Variants in ACIN1 observed in about 807,000 individuals in gnomAD.
The protein encoded by ACIN1 is apoptotic chromatin condensation inducer 1.
Under a neutral mutation model 146.6 loss-of-function variants are expected in ACIN1, and 16 were observed. That is an observed-to-expected ratio of 0.11 (90% CI 0.07 to 0.17). The LOEUF is 0.17. Among genes scored for constraint, ACIN1 ranks in the 10% least tolerant of loss-of-function variants. The probability of loss-of-function intolerance (pLI) is 1.00; values close to 1 mark genes in which losing one functional copy is unlikely to be tolerated. For synonymous variants in ACIN1, 569 were observed against 582.7 expected (o/e 0.98, Z 0.34); for missense variants, 1,357 against 1,609.3 (o/e 0.84, Z 2.68).
At position 23,062,541 on chromosome 14, in the gene ACIN1, C is replaced by T; in HGVS notation, c.2884-18G>A. ...GGACGGACCTGCCAATGAAAATAGA[C>T]TTTCAGGGTCTAGCAGAAGGCAAGA... On this transcript the variant is annotated intron_variant, in intron 14 of 18. Transcript: ENST00000605057. 1 of 1,609,026 alleles carries T rather than the reference C, an allele frequency of 6.2e-7. No individual in the cohort carries two copies. The highest frequency in any genetic ancestry group is 8.5e-7 in the Non-Finnish European group (1 of 1,175,400).
intron 8 of ACIN1, among the ~76,000 whole-genome samples, chr14:23,072,448 T>C (rs2047687043): frequency 6.6e-6 from 1 of 152,100 alleles, no homozygotes; most frequent in Admixed American, 6.6e-5. Context: ...TGCTGCTATA[T>C]GGGGCGGGGA....
Position 23,064,168 on chromosome 14 carries a change from T to G in ACIN1, c.2532A>C (p.Thr844=). ...GGGTCCCATCATCGCCATTACGCTCTGTCTCATCCTCAGAGATGCGAGAGT... is the reference window on the plus strand; with the variant it reads ...GGGTCCCATCATCGCCATTACGCTCGGTCTCATCCTCAGAGATGCGAGAGT... ...ADDSRISEDE[T]ERNGDDGTHD... The change falls in exon 12 of 19, where the codon ACA becomes ACC. Residue 844 remains threonine, a synonymous_variant. Transcript: ENST00000605057. 1 of 1,614,200 alleles carries G rather than the reference T, an allele frequency of 6.2e-7. No individual in the cohort carries two copies.
rs768412898 is a variant in ACIN1 at position 23,090,063 on chromosome 14, C to T, written c.355G>A (p.Glu119Lys). 1.2e-6 allele frequency: 2 copies of T among 1,613,788 alleles called. No homozygotes were observed. The highest frequency in any genetic ancestry group is 2.7e-5 in the African/African-American group (2 of 74,928). Reference protein sequence around the residue: ...AESEDEMIHPEGVASLLPPDF... With the variant: ...AESEDEMIHPKGVASLLPPDF... ...GGAGGCAGCAGGGAAGCCACTCCCT[C>T]AGGATGGATCATCTCGTCCTCCGAC... The change falls in exon 4 of 19, where the codon GAG (glutamate) becomes AAG (lysine). Residue 119 changes from glutamate (E) to lysine (K), a missense_variant. This residue lies in a region of ACIN1 where 771 missense variants were observed against 746.6 expected (regional missense o/e 1.03). Transcript: ENST00000605057.
intron 4 of ACIN1, among the ~76,000 whole-genome samples, chr14:23,084,683 A>C (rs967990159): frequency 1.3e-5 from 2 of 152,174 alleles, no homozygotes; most frequent in African/African-American, 4.8e-5. Flanking sequence ...ATATTTTGTA[A>C]AACTTTACTT....
At chr14:23,073,577 G>A (rs1373893715) in intron 8 of ACIN1, among the ~76,000 whole-genome samples, 1 of 152,096 alleles carries the variant, frequency 6.6e-6, no homozygotes, top group African/African-American at 2.4e-5. Context: ...AGAATCACTT[G>A]AACCCAGGAT....
intron 8 of ACIN1, chr14:23,077,745 A>G (rs1594769313): frequency 6.4e-6 from 1 of 156,548 alleles, no homozygotes; most frequent in African/African-American, 2.4e-5. Flanking sequence ...TGCACAAACT[A>G]AAAAATAGCA....
At position 23,063,437 on chromosome 14, in the gene ACIN1, T is replaced by C. The variant is rs1170922376; in HGVS notation, c.2736A>G (p.Lys912=). Residue 912 remains lysine, a splice_region_variant and synonymous_variant, in exon 13 of 19, where the codon AAA becomes AAG. Coordinates refer to ENST00000605057, the MANE Select transcript of ACIN1 (RefSeq NM_001386863.1). ...LPPPAEHEVK[K]VTLGDTLTRR... ...TTTCTCTCACAATATGTCACTCACC[T>C]TTCTTTACTTCATGCTCTGCAGGTG... 5.0e-6 allele frequency: 8 copies of C among 1,613,816 alleles called. No individual in the cohort carries two copies. In the South Asian group the frequency reaches 6.6e-5, roughly 13 times the overall value.
intron 7 of ACIN1, 76 bp from the exon 8 acceptor site, chr14:23,078,342 G>A: frequency 3.0e-6 from 4 of 1,319,562 alleles, no homozygotes; most frequent in Non-Finnish European, 4.3e-6. Context: ...CCTGGAGCCT[G>A]AAAAAGGCAG....
At chr14:23,095,405 C>A, upstream of ACIN1, 1 of 1,260,248 alleles carries the variant, frequency 7.9e-7, no homozygotes, top group Non-Finnish European at 1.1e-6. Flanking sequence ...AACCCTCGAC[C>A]CTGGTATAAC....
chr14:23,065,934 G>C (rs774165340), intron 10 of ACIN1, 32 bp downstream of exon 10: 1 of 1,603,898 alleles, frequency 6.2e-7, no homozygotes, highest in African/African-American at 1.3e-5. Context: ...TGGTATTCCT[G>C]ACTTTTATCA....
chr14:23,058,858 G>A lies in ACIN1; in HGVS notation c.*290C>T. The A allele has an allele frequency of 1.7e-5, 8 of 469,542 alleles. No homozygotes were observed. The South Asian group carries it at 2.7e-4, about 16-fold the overall frequency. 29.1% of individuals were successfully genotyped at this position (469,542 alleles called of 1,614,324 possible). On this transcript the variant is annotated 3_prime_UTR_variant, in exon 19 of 19. Transcript: ENST00000605057. ...GATGGAGGAAAAATCAGAGGACTGG[G>A]GCACCTGGCTGTTCCCCATCTCTGG...
At chr14:23,085,710 T>A (rs949286496) in intron 4 of ACIN1, among the ~76,000 whole-genome samples, 2 of 152,208 alleles carry the variant, frequency 1.3e-5, no homozygotes, top group Non-Finnish European at 2.9e-5. Context: ...AAAGAGCTGA[T>A]GTGATGCAGA....
Position 23,079,026 on chromosome 14 carries a change from C to T in ACIN1, c.1801G>A (p.Gly601Arg). Residue 601 changes from glycine to arginine, a missense_variant, in exon 7 of 19, where the codon GGA (glycine) becomes AGA (arginine). Around this residue, in one of 4 missense-constraint regions of ACIN1, gnomAD observed 771 missense variants for 746.6 expected, o/e 1.03. Coordinates refer to ENST00000605057, the MANE Select transcript of ACIN1 (RefSeq NM_001386863.1). ...SSNSRKSLSP[G>R]VSRDSSTSYT... ...CTGGTGCTGCTGTCCCTGGAGACTC[C>T]AGGGCTCAGAGACTAAAACAAAATG... is the stretch of plus-strand genomic sequence containing the variant. The T allele has an allele frequency of 6.2e-7, 1 of 1,613,954 alleles. No homozygotes were observed. Among genetic ancestry groups the T allele is most frequent in the East Asian group, 2.2e-5 (1 of 44,880 alleles).
At chr14:23,065,903 C>T in intron 10 of ACIN1, 63 bp downstream of exon 10, 1 of 1,484,390 alleles carries the variant, frequency 6.7e-7, no homozygotes, top group Non-Finnish European at 9.4e-7. Flanking sequence ...AATTCTGGTT[C>T]TCAATGAATG....
At position 23,068,459 on chromosome 14, in the gene ACIN1, G is replaced by C; in HGVS notation, c.2265+1017C>G. 1.0e-6 allele frequency: 1 copy of C among 985,852 alleles called. No individual in the cohort carries two copies. Among genetic ancestry groups the C allele is most frequent in the Non-Finnish European group, 1.2e-6 (1 of 829,946 alleles). The allele number at this position is 985,852 out of a possible 1,614,324, so 61.1% of individuals were successfully genotyped here. A position where few individuals can be genotyped will look rare whatever the true frequency, so the allele number is the denominator to read the frequency against. On this transcript the variant is annotated intron_variant, in intron 9 of 18. Transcript: ENST00000605057. The surrounding 1 kb of genome is among the most constrained non-coding windows in gnomAD (Gnocchi z 4.3). ...GTCTCTCCAGAACAGTGTTCTTCTT[G>C]GCCCCCTGATGTAAGCAAGACAGGG...
chr14:23,065,344 T>C (rs2047419217), intron 10 of ACIN1, among the ~76,000 whole-genome samples: 1 of 152,186 alleles, frequency 6.6e-6, no homozygotes, highest in African/African-American at 2.4e-5. Context: ...TCCCAACACT[T>C]TGGGAGGCCA....
intron 5 of ACIN1, 70 bp downstream of exon 5, chr14:23,081,674 AAAAC>A: frequency 7.5e-7 from 1 of 1,340,010 alleles, no homozygotes; most frequent in Non-Finnish European, 1.0e-6. Context: ...ATACAAACTC[AAAAC>A]AAGTCTGAAG....
chr14:23,059,717 G>C (rs1165432605), intron 18 of ACIN1, among the ~76,000 whole-genome samples: 1 of 147,132 alleles, frequency 6.8e-6, no homozygotes, highest in Non-Finnish European at 1.5e-5. Flanking sequence ...GCAGTGGCAC[G>C]ATCTCGGCTC....
At chr14:23,065,173 T>G (rs981011955) in intron 10 of ACIN1, among the ~76,000 whole-genome samples, 1 of 152,206 alleles carries the variant, frequency 6.6e-6, no homozygotes, top group Non-Finnish European at 1.5e-5. Context: ...CAGATTGATA[T>G]TTAAGTTATA....
Sources: allele counts gnomAD v4.1 joint callset (sites outside exome capture counted in the v4.1 genomes callset), GRCh38; gene constraint gnomAD v4.1.1; regional missense constraint gnomAD v4.1.1; non-coding constraint Gnocchi (gnomAD v3.1); transcripts MANE v1.5; gene names NCBI Gene and HGNC (gene_info 2026-07-23, HGNC 2026-07-21).